The following CLYBL variants were observed in gnomAD, a reference collection of about 807,000 sequenced individuals.
The protein encoded by CLYBL is citramalyl-CoA lyase.
Under a neutral mutation model 38.9 loss-of-function variants are expected in CLYBL, and 31 were observed. The ratio of observed to expected loss-of-function variants is 0.80; its 90% CI spans 0.60 to 1.08. The LOEUF is 1.08. Ranked by LOEUF, CLYBL falls within the 50% of genes least tolerant of loss-of-function variation. CLYBL has a pLI of 0.00. For synonymous variants in CLYBL, 171 were observed against 158.6 expected (o/e 1.08, Z -0.59); for missense variants, 434 against 411.6 (o/e 1.05, Z -0.47).
intron 2 of CLYBL, among the ~76,000 whole-genome samples, chr13:99,835,438 G>C (rs1190952351): frequency 2.0e-5 from 3 of 152,226 alleles, no homozygotes; most frequent in African/African-American, 7.2e-5. Flanking sequence ...CAGCATCGGA[G>C]ATGGAGGAAG....
rs529296199 is a variant in CLYBL, at chr13:99,706,724, CT to C, written c.63-66098del. ...CCTCCAGCACTGGAGTGCATCTCTGCTTCTTCAGCCGAGCTCCAGAAGGAGA... is the reference window on the plus strand; with the variant it reads ...CCTCCAGCACTGGAGTGCATCTCTGCTCTTCAGCCGAGCTCCAGAAGGAGA... On this transcript the variant is annotated intron_variant, in intron 1 of 8. Transcript: ENST00000339105. Among the ~76,000 whole-genome samples, 47 of 152,330 alleles carry C rather than the reference CT, an allele frequency of 3.1e-4. No individual in the cohort carries two copies. In the South Asian group the frequency reaches 9.7e-3, roughly 32 times the overall value.
chr13:99,842,119 G>C (rs1397955034), intron 2 of CLYBL, among the ~76,000 whole-genome samples: 1 of 152,140 alleles, frequency 6.6e-6, no homozygotes, highest in East Asian at 1.9e-4. Flanking sequence ...TGCCCAGCTG[G>C]AACACCTATG....
At chr13:99,628,960 A>G (rs2046906561) in intron 1 of CLYBL, among the ~76,000 whole-genome samples, 1 of 152,222 alleles carries the variant, frequency 6.6e-6, no homozygotes, top group South Asian at 2.1e-4. Context: ...AAAATTGACT[A>G]TGGTAAGTGT....
chr13:99,776,054 C>T (rs1169527167), intron 2 of CLYBL, among the ~76,000 whole-genome samples: 1 of 151,676 alleles, frequency 6.6e-6, no homozygotes, highest in Non-Finnish European at 1.5e-5. Context: ...GTCCCAGCTA[C>T]TCGGGAGGCT....
chr13:99,775,770 A>G (rs1343352882), intron 2 of CLYBL, among the ~76,000 whole-genome samples: 2 of 152,090 alleles, frequency 1.3e-5, no homozygotes, highest in Admixed American at 6.5e-5. Flanking sequence ...CAGCCTCCCA[A>G]AGGGCTGGGA....
intron 1 of CLYBL, among the ~76,000 whole-genome samples, chr13:99,621,198 C>T (rs9300561): frequency 0.04 from 6,117 of 152,250 alleles, 145 homozygotes; most frequent in Middle Eastern, 0.12. Context: ...CCCCCTTGGA[C>T]AGCATAAATT....
At position 99,678,840 on chromosome 13, in the gene CLYBL, G is replaced by GA. The variant is rs199517642; in HGVS notation, c.62+72093dup. Among the ~76,000 whole-genome samples the GA allele has an allele frequency of 2.4e-3, 362 of 148,850 alleles. 2 individuals carry two copies. Among genetic ancestry groups the GA allele is most frequent in the African/African-American group, 8.1e-3 (330 of 40,638 alleles). On this transcript the variant is annotated intron_variant, in intron 1 of 8. Coordinates refer to ENST00000339105, the MANE Select transcript of CLYBL (RefSeq NM_206808.5). ...TAACTCTTTAAAAATACAAAGTACAGAAAAAAAAAATTCCAGAAAGTACAG... is the reference window on the plus strand; with the variant it reads ...TAACTCTTTAAAAATACAAAGTACAGAAAAAAAAAAATTCCAGAAAGTACAG...
rs762108471 is a variant in CLYBL, at chr13:99,792,274, T to C, written c.249+19264T>C. Among the ~76,000 whole-genome samples the C allele has an allele frequency of 3.9e-5, 6 of 152,288 alleles. No homozygotes were observed. The South Asian group carries it at 1.2e-3, about 32-fold the overall frequency. ...GGGAGCTGGGCTGGAGGCTGGACACTGAGCAAGACCCACACACAGTGACCC... is the reference window on the plus strand; with the variant it reads ...GGGAGCTGGGCTGGAGGCTGGACACCGAGCAAGACCCACACACAGTGACCC... On this transcript the variant is annotated intron_variant, in intron 2 of 8. Transcript: ENST00000339105.
At chr13:99,847,137 A>G (rs1378932239) in intron 2 of CLYBL, among the ~76,000 whole-genome samples, 1 of 152,190 alleles carries the variant, frequency 6.6e-6, no homozygotes, top group Non-Finnish European at 1.5e-5. Flanking sequence ...GACAGGTGAC[A>G]CGTCTGTTAT....
At chr13:99,748,024 C>T (rs1156953347) in intron 1 of CLYBL, among the ~76,000 whole-genome samples, 1 of 152,068 alleles carries the variant, frequency 6.6e-6, no homozygotes, top group African/African-American at 2.4e-5. Context: ...TATTGTGCGA[C>T]CATCCCCACC....
At chr13:99,888,429 T>C (rs1237417782) in intron 7 of CLYBL, among the ~76,000 whole-genome samples, 3 of 152,188 alleles carry the variant, frequency 2.0e-5, no homozygotes, top group Admixed American at 6.5e-5. Flanking sequence ...ATAGCTATTA[T>C]TATTACAGTA....
At chr13:99,625,559 C>T (rs979904769) in intron 1 of CLYBL, among the ~76,000 whole-genome samples, 3 of 152,020 alleles carry the variant, frequency 2.0e-5, no homozygotes, top group Non-Finnish European at 2.9e-5. Flanking sequence ...CTACTTGATG[C>T]GATTTTCCCT....
chr13:99,863,721 CA>C (rs1461390078), intron 4 of CLYBL, among the ~76,000 whole-genome samples: 3 of 152,304 alleles, frequency 2.0e-5, no homozygotes, highest in Non-Finnish European at 1.5e-5. Context: ...TCTCGTTTAT[CA>C]GGGGGCATTT....
intron 1 of CLYBL, among the ~76,000 whole-genome samples, chr13:99,703,206 G>A (rs945154929): frequency 6.6e-6 from 1 of 152,162 alleles, no homozygotes; most frequent in Admixed American, 6.5e-5. Flanking sequence ...TGTAATCCCC[G>A]CAGTTTGGGA....
chr13:99,743,660 C>G (rs960510822), intron 1 of CLYBL, among the ~76,000 whole-genome samples: 1 of 152,152 alleles, frequency 6.6e-6, no homozygotes, highest in African/African-American at 2.4e-5. Context: ...ATGGTTGGTT[C>G]GGCTCTGTGG....
intron 1 of CLYBL, among the ~76,000 whole-genome samples, chr13:99,736,595 A>G (rs931549091): frequency 1.3e-5 from 2 of 152,150 alleles, no homozygotes; most frequent in African/African-American, 2.4e-5. Flanking sequence ...TTTCAAGGAA[A>G]AAAAAAATCT....
chr13:99,656,098 C>G (rs1331519640), intron 1 of CLYBL, among the ~76,000 whole-genome samples: 1 of 152,090 alleles, frequency 6.6e-6, no homozygotes, highest in Non-Finnish European at 1.5e-5. Context: ...GAGATTATCA[C>G]TCTTCCTGCT....
intron 2 of CLYBL, among the ~76,000 whole-genome samples, chr13:99,780,960 C>T (rs1344816120): frequency 2.6e-5 from 4 of 151,188 alleles, no homozygotes; most frequent in East Asian, 1.9e-4. Flanking sequence ...GCAATCCACC[C>T]GCCTCGGCCT....
chr13:99,895,670 C>A (rs2052566824), downstream of CLYBL: 1 of 152,070 alleles, frequency 6.6e-6, no homozygotes, highest in Non-Finnish European at 1.5e-5. Flanking sequence ...GGGTGGTGTT[C>A]GTTTGTTTAA....
Sources: gnomAD v4.1 joint callset for allele counts (sites outside exome capture counted in the v4.1 genomes callset) on GRCh38, gnomAD v4.1.1 for gene constraint, MANE v1.5 for transcripts, NCBI Gene and HGNC (gene_info 2026-07-23, HGNC 2026-07-21) for gene names.